IGF1: variants seen among roughly 807,000 people sequenced by gnomAD.
IGF1 encodes insulin-like growth factor 1.
IGF1 carries 4 observed loss-of-function variants against 13.8 expected under a neutral mutation model. That is an observed-to-expected ratio of 0.29 (90% CI 0.14 to 0.66). The LOEUF (loss-of-function observed/expected upper bound fraction) is 0.66, where lower values mean the gene tolerates loss of function less well. Ranked by LOEUF, IGF1 falls within the 30% of genes least tolerant of loss-of-function variation. The pLI is 0.78. For synonymous variants in IGF1, 76 were observed against 72.6 expected, an observed-to-expected ratio of 1.05 and a Z score of -0.23; for missense variants, 124 against 188.5, an observed-to-expected ratio of 0.66 and a Z score of 2.00.
chr12:102,441,906 G>GCTGCTTCTGCTTCTTCTTCTTCTT, intron 2 of IGF1, among the ~76,000 whole-genome samples: 1 of 100,292 alleles, frequency 1.0e-5, no homozygotes, highest in Non-Finnish European at 2.1e-5. Flanking sequence ...CTATTACACT[G>GCTGCTTCTGCTTCTTCTTCTTCTT]CTTCTTCTCC....
intron 3 of IGF1, among the ~76,000 whole-genome samples, chr12:102,412,100 A>G (rs1252705212): frequency 2.0e-5 from 3 of 152,180 alleles, no homozygotes; most frequent in Admixed American, 6.5e-5. Flanking sequence ...GTTAGATGGG[A>G]AATGGTAGAA....
At chr12:102,430,658 A>G (rs1876658059) in intron 2 of IGF1, among the ~76,000 whole-genome samples, 1 of 152,210 alleles carries the variant, frequency 6.6e-6, no homozygotes, top group South Asian at 2.1e-4. Context: ...ATTTTAATCT[A>G]CTTCTAAAGA....
intron 3 of IGF1, chr12:102,417,771 C>T (rs780508725): frequency 8.1e-6 from 13 of 1,610,250 alleles, no homozygotes; most frequent in Non-Finnish European, 1.1e-5. Context: ...TTGCTGTCTG[C>T]TCCTCTCTCA....
rs1592725032 is a variant in IGF1 at position 102,398,541 on chromosome 12, T to C, written c.*3966A>G. On this transcript the variant is annotated 3_prime_UTR_variant, in exon 4 of 4. Transcript: ENST00000337514. Reference sequence around the variant, plus strand: ...TCTTGATCAAGTTCAGAAGATTGGATAATATATTGCTAATTTTGCTAAGTT... The same window carrying C: ...TCTTGATCAAGTTCAGAAGATTGGACAATATATTGCTAATTTTGCTAAGTT... 6.6e-6 allele frequency: 1 copy of C among 152,262 alleles called. No individual in the cohort carries two copies. The highest frequency in any genetic ancestry group is 1.9e-4 in the East Asian group (1 of 5,186). 9.4% of individuals were successfully genotyped at this position (152,262 alleles called of 1,614,324 possible).
At chr12:102,441,906 G>GCTGCTGCTGCTTCTTCTTCTTCTT in intron 2 of IGF1, among the ~76,000 whole-genome samples, 3,754 of 99,654 alleles carry the variant, frequency 0.038, 448 homozygotes, top group East Asian at 0.056. Flanking sequence ...CTATTACACT[G>GCTGCTGCTGCTTCTTCTTCTTCTT]CTTCTTCTCC....
At chr12:102,448,703 A>AT (rs1565990723) in intron 2 of IGF1, among the ~76,000 whole-genome samples, 1 of 151,138 alleles carries the variant, frequency 6.6e-6, no homozygotes, top group African/African-American at 2.4e-5. Flanking sequence ...AAAAAAAAAA[A>AT]AAAAAAAAAA....
In IGF1 at chr12:102,401,701, A is replaced by G. The variant is rs1204096040; in HGVS notation, c.*806T>C. On this transcript the variant is annotated 3_prime_UTR_variant, in exon 4 of 4. Transcript: ENST00000337514. ...AGTGCTCTATATGGAAAAAATAAAAAGAGGAAAGTTACTAATTAGGTTGCA... is the reference window on the plus strand; with the variant it reads ...AGTGCTCTATATGGAAAAAATAAAAGGAGGAAAGTTACTAATTAGGTTGCA... 1 of 152,682 alleles carries G rather than the reference A, an allele frequency of 6.5e-6. No individual in the cohort carries two copies. The highest frequency in any genetic ancestry group is 1.9e-4 in the East Asian group (1 of 5,204). The allele number at this position is 152,682 out of a possible 1,614,324, so 9.5% of individuals were successfully genotyped here. A position where few individuals can be genotyped will look rare whatever the true frequency, so the allele number is the denominator to read the frequency against.
intron 2 of IGF1, among the ~76,000 whole-genome samples, chr12:102,446,003 G>A (rs1204781906): frequency 6.6e-6 from 1 of 152,110 alleles, no homozygotes; most frequent in African/African-American, 2.4e-5. Context: ...TGTGGTTTTT[G>A]TCATTGGTTC....
intron 2 of IGF1, among the ~76,000 whole-genome samples, chr12:102,419,985 T>C (rs986606964): frequency 4.6e-5 from 7 of 152,228 alleles, no homozygotes; most frequent in African/African-American, 1.7e-4. Context: ...CCAATCCTAG[T>C]CTTTTCTTAT....
intron 2 of IGF1, among the ~76,000 whole-genome samples, chr12:102,468,721 G>A (rs1303033707): frequency 3.3e-5 from 5 of 152,242 alleles, no homozygotes; most frequent in Non-Finnish European, 5.9e-5. Flanking sequence ...AGAGGTGTAC[G>A]ATGGAACTCT....
rs1236247897 is a variant in IGF1, at chr12:102,402,421, AG to A, written c.*85del. The A allele has an allele frequency of 1.3e-6, 1 of 777,460 alleles. No individual in the cohort carries two copies. Among genetic ancestry groups the A allele is most frequent in the African/African-American group, 1.7e-5 (1 of 58,906 alleles). 48.2% of individuals were successfully genotyped at this position (777,460 alleles called of 1,614,324 possible). ...AATGTTATCAAACTTATTTTTTGGTAGGTGTTCCAAAGTTTAACAGGTAACT... is the reference window on the plus strand; with the variant it reads ...AATGTTATCAAACTTATTTTTTGGTAGTGTTCCAAAGTTTAACAGGTAACT... On this transcript the variant is annotated 3_prime_UTR_variant, in exon 4 of 4. Coordinates refer to ENST00000337514, the MANE Select transcript of IGF1 (RefSeq NM_000618.5).
rs866899581 is a variant in IGF1 at position 102,404,789 on chromosome 12, G to A, written c.403-2223C>T. 1.3e-4 allele frequency among the ~76,000 whole-genome samples: 19 copies of A among 142,020 alleles called. 1 individual carries two copies. In the Middle Eastern group the frequency reaches 0.023, roughly 171 times the overall value. 93.2% of individuals were successfully genotyped at this position (142,020 alleles called of 152,430 possible). A position where few individuals can be genotyped will look rare whatever the true frequency, so the allele number is the denominator to read the frequency against. ...TTTTTTTTTTTTGAGATGGAGTCTC[G>A]CTCTGTCACCCAGGCTGGAGTGCAG... On this transcript the variant is annotated intron_variant, in intron 3 of 3. Coordinates refer to ENST00000337514, the MANE Select transcript of IGF1 (RefSeq NM_000618.5).
intron 2 of IGF1, among the ~76,000 whole-genome samples, chr12:102,449,709 C>T (rs990696645): frequency 6.8e-6 from 1 of 146,606 alleles, no homozygotes; most frequent in Non-Finnish European, 1.5e-5. Flanking sequence ...CCTGTGCTGA[C>T]ATTCCTCTAG....
At chr12:102,433,784 G>C (rs1188312503) in intron 2 of IGF1, among the ~76,000 whole-genome samples, 1 of 152,088 alleles carries the variant, frequency 6.6e-6, no homozygotes, top group Non-Finnish European at 1.5e-5. Flanking sequence ...TTGTACTTTG[G>C]AAAGAAGAAA....
At chr12:102,422,224 A>G (rs1468528966) in intron 2 of IGF1, among the ~76,000 whole-genome samples, 2 of 152,166 alleles carry the variant, frequency 1.3e-5, no homozygotes, top group Non-Finnish European at 2.9e-5. Flanking sequence ...TTATGTCTAC[A>G]TTTGTTTTTT....
At chr12:102,413,596 G>A (rs1050200685) in intron 3 of IGF1, among the ~76,000 whole-genome samples, 1 of 152,166 alleles carries the variant, frequency 6.6e-6, no homozygotes, top group Non-Finnish European at 1.5e-5. Context: ...GAAAGGCACT[G>A]GATTGGCAGC....
intron 2 of IGF1, among the ~76,000 whole-genome samples, chr12:102,425,160 T>C (rs922407720): frequency 2.6e-5 from 4 of 152,236 alleles, no homozygotes; most frequent in African/African-American, 9.6e-5. Context: ...TTGCCTGCCT[T>C]ATACTTTGCT....
chr12:102,465,986 A>G (rs995529995), intron 2 of IGF1, among the ~76,000 whole-genome samples: 3 of 137,034 alleles, frequency 2.2e-5, no homozygotes, highest in Non-Finnish European at 3.2e-5. Context: ...TAAATAAATA[A>G]AGATAACCAA....
intron 2 of IGF1, among the ~76,000 whole-genome samples, chr12:102,467,249 T>G (rs1473973068): frequency 6.6e-6 from 1 of 152,182 alleles, no homozygotes; most frequent in Admixed American, 6.5e-5. Context: ...TCAAAGAGCC[T>G]TTTAGTACCT....
Sources: allele counts gnomAD v4.1 joint callset (sites outside exome capture counted in the v4.1 genomes callset), GRCh38; gene constraint gnomAD v4.1.1; transcripts MANE v1.5; gene names NCBI Gene and HGNC (gene_info 2026-07-23, HGNC 2026-07-21).